Variants in LHFPL2 observed in about 807,000 individuals in gnomAD.
LHFPL2 encodes the protein LHFPL tetraspan subfamily member 2.
A neutral mutation model predicts 17.5 loss-of-function variants in LHFPL2; 7 were observed. The observed-to-expected ratio is 0.40, with a 90% CI of 0.23 to 0.75. The LOEUF is 0.75. LHFPL2 is among the 30% of genes least tolerant of loss of function. The probability of loss-of-function intolerance (pLI) is 0.37; values close to 1 mark genes in which losing one functional copy is unlikely to be tolerated. For missense variants in LHFPL2, 241 were observed against 294.8 expected, an observed-to-expected ratio of 0.82 and a Z score of 1.34; for synonymous variants, 134 against 116.2, an observed-to-expected ratio of 1.15 and a Z score of -0.99.
intron 3 of LHFPL2, among the ~76,000 whole-genome samples, chr5:78,532,224 T>C (rs1755805276): frequency 6.6e-6 from 1 of 151,826 alleles, no homozygotes; most frequent in Non-Finnish European, 1.5e-5. Context: ...GCGCCCAGCC[T>C]AATTTTTGTA....
rs536107887 is a variant in LHFPL2 at position 78,639,069 on chromosome 5, A to T, written c.-349-6701T>A. Among the ~76,000 whole-genome samples, 10 of 152,338 alleles carry T rather than the reference A, an allele frequency of 6.6e-5. No homozygotes were observed. In the East Asian group the frequency reaches 1.9e-3, roughly 29 times the overall value. Reference sequence around the variant, plus strand: ...GTCTAGTTTCCAGACCAAAAGGAGCAGTGGTTCTTGCCTAACATGGCTGGT... The same window carrying T: ...GTCTAGTTTCCAGACCAAAAGGAGCTGTGGTTCTTGCCTAACATGGCTGGT... On this transcript the variant is annotated intron_variant, in intron 1 of 4. Coordinates refer to ENST00000380345, the MANE Select transcript of LHFPL2 (RefSeq NM_005779.3).
At chr5:78,498,740 C>A (rs1375259480) in intron 4 of LHFPL2, among the ~76,000 whole-genome samples, 2 of 152,146 alleles carry the variant, frequency 1.3e-5, no homozygotes, top group Non-Finnish European at 2.9e-5. Context: ...AAGAGACACC[C>A]TACTTCAGAA....
chr5:78,504,717 T>G (rs1159044547), intron 4 of LHFPL2, among the ~76,000 whole-genome samples: 1 of 152,218 alleles, frequency 6.6e-6, no homozygotes, highest in Non-Finnish European at 1.5e-5. Flanking sequence ...CCCTCAATCA[T>G]TGCTCACTTC....
chr5:78,505,770 A>G (rs1754914196), intron 4 of LHFPL2, among the ~76,000 whole-genome samples: 1 of 152,258 alleles, frequency 6.6e-6, no homozygotes, highest in African/African-American at 2.4e-5. Context: ...TACTTTGATA[A>G]TGATTCTATA....
chr5:78,629,674 G>C (rs1324347178), intron 2 of LHFPL2, among the ~76,000 whole-genome samples: 2 of 152,322 alleles, frequency 1.3e-5, no homozygotes, highest in East Asian at 3.9e-4. Context: ...CAGCAATAAA[G>C]GAAACTGCGA....
chr5:78,507,940 AT>A lies in LHFPL2; in HGVS notation c.430+1843del, dbSNP rs1273049228. ...CAAAAGTTTTAAGATATACACATGC[AT>A]ACACACACACACACACACACACACA... On this transcript the variant is annotated intron_variant, in intron 4 of 4. Transcript: ENST00000380345. Among the ~76,000 whole-genome samples, 291 of 62,654 alleles carry A rather than the reference AT, an allele frequency of 4.6e-3. 1 individual carries two copies. Among genetic ancestry groups the A allele is most frequent in the African/African-American group, 0.02 (281 of 13,766 alleles). 41.1% of individuals were successfully genotyped at this position (62,654 alleles called of 152,430 possible).
chr5:78,644,269 AT>A, intron 1 of LHFPL2: 1 of 785,344 alleles, frequency 1.3e-6, no homozygotes, highest in Non-Finnish European at 2.2e-6. Flanking sequence ...GAACCAACTT[AT>A]TCATCATCAT....
In LHFPL2 at chr5:78,580,212, T is replaced by C. The variant is rs571634718; in HGVS notation, c.-244-15341A>G. On this transcript the variant is annotated intron_variant, in intron 2 of 4. Coordinates refer to ENST00000380345, the MANE Select transcript of LHFPL2 (RefSeq NM_005779.3). ...GATGGGGTTGTTTGTTTTTTTCTTG[T>C]AAATTTGAGTTCATTGTAGATTTTG... is the stretch of plus-strand genomic sequence containing the variant. Among the ~76,000 whole-genome samples, 180 of 152,378 alleles carry C rather than the reference T, an allele frequency of 1.2e-3. 2 individuals are homozygous for C. Among genetic ancestry groups the C allele is most frequent in the South Asian group, 9.9e-3 (48 of 4,832 alleles).
chr5:78,641,035 A>T (rs1379770060), intron 1 of LHFPL2, among the ~76,000 whole-genome samples: 1 of 152,216 alleles, frequency 6.6e-6, no homozygotes, highest in Non-Finnish European at 1.5e-5. Context: ...TACAGAGAGT[A>T]GGAGAGCCTG....
At chr5:78,507,971 CACACAT>C (rs756209548) in intron 4 of LHFPL2, among the ~76,000 whole-genome samples, 8 of 149,050 alleles carry the variant, frequency 5.4e-5, no homozygotes, top group African/African-American at 7.5e-5. Flanking sequence ...CACACACACA[CACACAT>C]GCCCCTGAGG....
At chr5:78,551,358 G>A (rs1561335331) in intron 3 of LHFPL2, among the ~76,000 whole-genome samples, 1 of 152,126 alleles carries the variant, frequency 6.6e-6, no homozygotes, top group Non-Finnish European at 1.5e-5. Flanking sequence ...AAATCTTATG[G>A]GCAATTTTGA....
At chr5:78,547,103 A>G (rs1259358405) in intron 3 of LHFPL2, among the ~76,000 whole-genome samples, 1 of 152,098 alleles carries the variant, frequency 6.6e-6, no homozygotes, top group Admixed American at 6.5e-5. Context: ...AGAAAGTGGA[A>G]CACTCTGTGG....
intron 2 of LHFPL2, among the ~76,000 whole-genome samples, chr5:78,566,649 G>A (rs915182550): frequency 6.6e-6 from 1 of 152,210 alleles, no homozygotes; most frequent in East Asian, 1.9e-4. Flanking sequence ...GTAGAGACAG[G>A]GTTTCAGCAT....
At chr5:78,584,378 G>A (rs920317914) in intron 2 of LHFPL2, among the ~76,000 whole-genome samples, 1 of 152,160 alleles carries the variant, frequency 6.6e-6, no homozygotes, top group Admixed American at 6.5e-5. Context: ...AGAGTTTCCA[G>A]TTTTTCTGCT....
At chr5:78,573,521 G>A (rs529291513) in intron 2 of LHFPL2, among the ~76,000 whole-genome samples, 7 of 152,318 alleles carry the variant, frequency 4.6e-5, no homozygotes, top group Admixed American at 3.9e-4. Context: ...ACACTCAACC[G>A]CTGAAACAGC....
chr5:78,613,527 A>C (rs181906179), intron 2 of LHFPL2, among the ~76,000 whole-genome samples: 1 of 152,200 alleles, frequency 6.6e-6, no homozygotes, highest in East Asian at 1.9e-4. Flanking sequence ...ATACCCCATA[A>C]GGTGGTTGTG....
At chr5:78,492,577 C>A (rs75275929) in intron 4 of LHFPL2, among the ~76,000 whole-genome samples, 207 of 152,366 alleles carry the variant, frequency 1.4e-3, no homozygotes, top group African/African-American at 4.7e-3. Flanking sequence ...TGAGGCGCTC[C>A]CTTTTCTAAT....
rs964661128 is a variant in LHFPL2 at position 78,485,616 on chromosome 5, C to T, written c.*3281G>A. On this transcript the variant is annotated 3_prime_UTR_variant, in exon 5 of 5. Transcript: ENST00000380345. ...AAGTTATTGCACAGAGAGGTCTGTT[C>T]TAAGCCAGACTCTTACAGCTAAGGA... 2.0e-5 allele frequency: 3 copies of T among 152,622 alleles called. No homozygotes were observed. Among genetic ancestry groups the T allele is most frequent in the Admixed American group, 2.0e-4 (3 of 15,276 alleles). The allele number at this position is 152,622 out of a possible 1,614,324, so 9.5% of individuals were successfully genotyped here.
Position 78,648,584 on chromosome 5 carries a change from G to C in LHFPL2, c.-435C>G, listed in dbSNP as rs1745973918. 6.6e-6 allele frequency: 1 copy of C among 151,570 alleles called. No individual in the cohort carries two copies. The highest frequency in any genetic ancestry group is 1.5e-5 in the Non-Finnish European group (1 of 68,068). 9.4% of individuals were successfully genotyped at this position (151,570 alleles called of 1,614,324 possible). On this transcript the variant is annotated 5_prime_UTR_variant, in exon 1 of 5. Transcript: ENST00000380345. The surrounding 1 kb of genome is among the most constrained non-coding windows in gnomAD (Gnocchi z 5.4). ...AGTGACGCCTCCTCGCAGCCACCTC[G>C]CTCTTGCCCCCGCTGGCCGCGCCTG...
Sources: gnomAD v4.1 joint callset for allele counts (sites outside exome capture counted in the v4.1 genomes callset) on GRCh38, gnomAD v4.1.1 for gene constraint, Gnocchi (gnomAD v3.1) non-coding constraint, MANE v1.5 for transcripts, NCBI Gene and HGNC (gene_info 2026-07-23, HGNC 2026-07-21) for gene names.